NRG3: variants seen among roughly 807,000 people sequenced by gnomAD.
NRG3 encodes the protein pro-neuregulin-3, membrane-bound isoform.
NRG3 carries 31 observed loss-of-function variants against 66.9 expected under a neutral mutation model. The ratio of observed to expected loss-of-function variants is 0.46; its 90% CI spans 0.35 to 0.63. The LOEUF is 0.63. NRG3 is among the 20% of genes least tolerant of loss of function. The probability of loss-of-function intolerance (pLI) is 0.00; values close to 1 mark genes in which losing one functional copy is unlikely to be tolerated. For missense variants in NRG3, 910 were observed against 878.9 expected, an observed-to-expected ratio of 1.04 and a Z score of -0.45; for synonymous variants, 393 against 359.4, an observed-to-expected ratio of 1.09 and a Z score of -1.06.
intron 3 of NRG3, among the ~76,000 whole-genome samples, chr10:82,835,642 C>A (rs2062735555): frequency 6.6e-6 from 1 of 152,106 alleles, no homozygotes; most frequent in Non-Finnish European, 1.5e-5. Context: ...GATTTCATGA[C>A]CCTCCATCTT....
intron 1 of NRG3, among the ~76,000 whole-genome samples, chr10:81,900,957 A>G (rs1338813534): frequency 1.3e-5 from 2 of 152,228 alleles, no homozygotes; most frequent in Admixed American, 6.5e-5. Context: ...TAAGTATTTC[A>G]GTGATATAAT....
At chr10:82,602,255 G>C (rs2047683371) in intron 2 of NRG3, among the ~76,000 whole-genome samples, 1 of 152,012 alleles carries the variant, frequency 6.6e-6, no homozygotes, top group Non-Finnish European at 1.5e-5. Context: ...TTTGCAAAGA[G>C]ATTTGTGGTA....
intron 3 of NRG3, among the ~76,000 whole-genome samples, chr10:82,846,546 A>G (rs1164987881): frequency 6.6e-6 from 1 of 152,194 alleles, no homozygotes; most frequent in African/African-American, 2.4e-5. Context: ...TTTAATGTTC[A>G]TTTATGAAGG....
chr10:82,897,188 A>T (rs551244215), intron 4 of NRG3, among the ~76,000 whole-genome samples: 6 of 152,236 alleles, frequency 3.9e-5, no homozygotes, highest in Middle Eastern at 3.2e-3. Context: ...AGAAGCCTTT[A>T]GAAGTTCTCA....
chr10:82,636,847 T>A (rs754721976), intron 2 of NRG3, among the ~76,000 whole-genome samples: 2 of 151,804 alleles, frequency 1.3e-5, no homozygotes, highest in Admixed American at 6.6e-5. Flanking sequence ...AGAGAGAGTG[T>A]GTGTGAGAGA....
chr10:82,364,358 T>C (rs1265361262), intron 2 of NRG3, among the ~76,000 whole-genome samples: 2 of 152,178 alleles, frequency 1.3e-5, no homozygotes, highest in Non-Finnish European at 2.9e-5. Flanking sequence ...TTAAAAACAT[T>C]GGATTTAATA....
intron 4 of NRG3, among the ~76,000 whole-genome samples, chr10:82,916,408 C>A (rs1385819751): frequency 1.3e-5 from 2 of 152,144 alleles, no homozygotes; most frequent in South Asian, 4.1e-4. Context: ...GCCATACTTT[C>A]ATTACTGTAC....
At chr10:82,396,141 A>G (rs1045713298) in intron 2 of NRG3, among the ~76,000 whole-genome samples, 2 of 152,186 alleles carry the variant, frequency 1.3e-5, no homozygotes, top group African/African-American at 2.4e-5. Context: ...CCAATATCTT[A>G]TCCTTTTGAG....
intron 1 of NRG3, among the ~76,000 whole-genome samples, chr10:82,273,815 G>T (rs1355727494): frequency 2.0e-5 from 3 of 151,914 alleles, no homozygotes; most frequent in Non-Finnish European, 4.4e-5. Context: ...GCCACAAGTT[G>T]TTTTTTTCTT....
At chr10:81,988,744 G>T (rs1047053574) in intron 1 of NRG3, among the ~76,000 whole-genome samples, 3 of 152,134 alleles carry the variant, frequency 2.0e-5, no homozygotes, top group Non-Finnish European at 4.4e-5. Flanking sequence ...GTAGACATAA[G>T]TGCTTGTTTT....
intron 1 of NRG3, among the ~76,000 whole-genome samples, chr10:82,336,125 C>G (rs76362453): frequency 0.038 from 5,807 of 152,104 alleles, 186 homozygotes; most frequent in African/African-American, 0.088. Flanking sequence ...GAACACTTCT[C>G]TACATGAACT....
At chr10:82,045,624 A>G (rs78890578) in intron 1 of NRG3, among the ~76,000 whole-genome samples, 47,921 of 58,526 alleles carry the variant, frequency 0.82, 20,900 homozygotes, top group South Asian at 0.97. Context: ...TTGGTGTTTT[A>G]GACATGAAGT....
chr10:82,555,427 G>A (rs1048142212), intron 2 of NRG3, among the ~76,000 whole-genome samples: 2 of 152,066 alleles, frequency 1.3e-5, no homozygotes, highest in Admixed American at 6.6e-5. Context: ...TACCACAATT[G>A]TGTAAAAAAC....
intron 2 of NRG3, among the ~76,000 whole-genome samples, chr10:82,655,919 A>G (rs2051812104): frequency 6.6e-6 from 1 of 152,230 alleles, no homozygotes; most frequent in Admixed American, 6.5e-5. Context: ...ATTCATTTTA[A>G]TAAACACACA....
At chr10:82,388,119 A>C (rs1222997626) in intron 2 of NRG3, among the ~76,000 whole-genome samples, 1 of 152,188 alleles carries the variant, frequency 6.6e-6, no homozygotes, top group Non-Finnish European at 1.5e-5. Context: ...TCCACAACAC[A>C]ATTACTCATC....
intron 1 of NRG3, among the ~76,000 whole-genome samples, chr10:82,135,267 C>A (rs1051612429): frequency 3.3e-5 from 5 of 151,646 alleles, no homozygotes; most frequent in African/African-American, 1.2e-4. Flanking sequence ...TTTTAGGATC[C>A]TTTTTTATCC....
intron 2 of NRG3, among the ~76,000 whole-genome samples, chr10:82,508,967 C>A (rs1043032172): frequency 6.6e-6 from 1 of 152,212 alleles, no homozygotes; most frequent in African/African-American, 2.4e-5. Flanking sequence ...TATACACTTA[C>A]AACTTAACTC....
chr10:81,996,811 A>T (rs2060956771), intron 1 of NRG3, among the ~76,000 whole-genome samples: 1 of 152,100 alleles, frequency 6.6e-6, no homozygotes, highest in Non-Finnish European at 1.5e-5. Context: ...TAATTTTGGA[A>T]GTCTGCATTT....
chr10:81,999,602 T>C (rs1175161110), intron 1 of NRG3, among the ~76,000 whole-genome samples: 1 of 152,088 alleles, frequency 6.6e-6, no homozygotes, highest in East Asian at 1.9e-4. Flanking sequence ...TCTTTGGGAG[T>C]CGTAACAAAA....
Sources: gnomAD v4.1 joint callset for allele counts (sites outside exome capture counted in the v4.1 genomes callset) on GRCh38, gnomAD v4.1.1 for gene constraint, MANE v1.5 for transcripts, NCBI Gene and HGNC (gene_info 2026-07-23, HGNC 2026-07-21) for gene names.